Variants in FHIT observed in about 807,000 individuals in gnomAD.
The protein encoded by FHIT is bis(5'-adenosyl)-triphosphatase.
In FHIT, 19 loss-of-function variants were observed where a neutral mutation model predicts 17.9. That is an observed-to-expected ratio of 1.06 (90% CI 0.74 to 1.56). The LOEUF (loss-of-function observed/expected upper bound fraction) is 1.56. Among genes scored for constraint, FHIT ranks in the 40% most tolerant of loss-of-function variants. The pLI is 0.00. For missense variants in FHIT, 248 were observed against 189.2 expected (o/e 1.31, Z -1.82); for synonymous variants, 81 against 69.7 (o/e 1.16, Z -0.81).
intron 8 of FHIT, among the ~76,000 whole-genome samples, chr3:59,857,414 C>T (rs970153859): frequency 6.6e-6 from 1 of 152,108 alleles, no homozygotes; most frequent in African/African-American, 2.4e-5. Context: ...CAACTCTCTA[C>T]CACGTTCCTG....
At chr3:60,511,878 G>T (rs965292479) in intron 5 of FHIT, among the ~76,000 whole-genome samples, 1 of 151,958 alleles carries the variant, frequency 6.6e-6, no homozygotes, top group African/African-American at 2.4e-5. Flanking sequence ...CTGTCAAATT[G>T]GGCAAATTTA....
chr3:60,706,828 G>A (rs782151217), intron 4 of FHIT, among the ~76,000 whole-genome samples: 26 of 152,146 alleles, frequency 1.7e-4, no homozygotes, highest in Non-Finnish European at 3.2e-4. Flanking sequence ...ATCAAAAGAT[G>A]CTTTCAGATG....
chr3:60,807,457 C>T (rs561959546), intron 4 of FHIT, among the ~76,000 whole-genome samples: 1 of 151,948 alleles, frequency 6.6e-6, no homozygotes, highest in East Asian at 1.9e-4. Flanking sequence ...GGTATGGTGG[C>T]ATGTGCCTGT....
chr3:60,188,212 T>TC (rs1295266618), intron 5 of FHIT, among the ~76,000 whole-genome samples: 4 of 149,718 alleles, frequency 2.7e-5, no homozygotes, highest in Non-Finnish European at 5.9e-5. Context: ...TCTTTCTTTT[T>TC]TTTTTTTTTT....
intron 2 of FHIT, among the ~76,000 whole-genome samples, chr3:61,107,414 G>A (rs2036022443): frequency 6.6e-6 from 1 of 152,134 alleles, no homozygotes; most frequent in Non-Finnish European, 1.5e-5. Flanking sequence ...TAGCTATTAT[G>A]AATAATGCTA....
At chr3:60,851,750 A>G (rs1452462013) in intron 3 of FHIT, among the ~76,000 whole-genome samples, 2 of 152,170 alleles carry the variant, frequency 1.3e-5, no homozygotes, top group Non-Finnish European at 2.9e-5. Context: ...ACAGATTATT[A>G]TATTCAGGGA....
intron 4 of FHIT, among the ~76,000 whole-genome samples, chr3:60,626,774 G>A (rs868947223): frequency 7.1e-6 from 1 of 141,496 alleles, no homozygotes; most frequent in Non-Finnish European, 1.5e-5. Context: ...CTTATCTTAG[G>A]GGAAAACACT....
At chr3:60,592,214 C>A (rs1451125585) in intron 4 of FHIT, among the ~76,000 whole-genome samples, 1 of 144,380 alleles carries the variant, frequency 6.9e-6, no homozygotes, top group Non-Finnish European at 1.5e-5. Context: ...TATGTAACCT[C>A]TATATATATA....
At chr3:59,927,673 G>A (rs1241230610) in intron 7 of FHIT, among the ~76,000 whole-genome samples, 1 of 152,144 alleles carries the variant, frequency 6.6e-6, no homozygotes, top group African/African-American at 2.4e-5. Flanking sequence ...GGAGGCTGAT[G>A]TAGGAGAATC....
intron 5 of FHIT, among the ~76,000 whole-genome samples, chr3:60,308,490 GTA>G (rs1380485852): frequency 0.061 from 4,528 of 74,584 alleles, 65 homozygotes; most frequent in Admixed American, 0.14. Flanking sequence ...AGGTATAGGT[GTA>G]TGTGTATATA....
chr3:60,411,023 G>A (rs113159785), intron 5 of FHIT, among the ~76,000 whole-genome samples: 5 of 152,222 alleles, frequency 3.3e-5, no homozygotes, highest in African/African-American at 1.2e-4. Flanking sequence ...ATGTAAAGGA[G>A]ACAAATTTGA....
At chr3:60,529,265 G>A (rs914166221) in intron 5 of FHIT, among the ~76,000 whole-genome samples, 1 of 152,038 alleles carries the variant, frequency 6.6e-6, no homozygotes, top group Non-Finnish European at 1.5e-5. Flanking sequence ...CTAATTCTAA[G>A]AGTTGAACAC....
chr3:60,437,458 A>C (rs2107316983), intron 5 of FHIT, among the ~76,000 whole-genome samples: 1 of 152,184 alleles, frequency 6.6e-6, no homozygotes, highest in African/African-American at 2.4e-5. Flanking sequence ...CATTTAGCCA[A>C]AACTTGCTGA....
At chr3:60,010,734 T>G (rs1156967135) in intron 7 of FHIT, among the ~76,000 whole-genome samples, 1 of 152,178 alleles carries the variant, frequency 6.6e-6, no homozygotes, top group Non-Finnish European at 1.5e-5. Context: ...TTATTTTTAC[T>G]ACAGAAGCAG....
chr3:60,816,358 A>G (rs1701739644), intron 4 of FHIT, among the ~76,000 whole-genome samples: 1 of 152,064 alleles, frequency 6.6e-6, no homozygotes, highest in South Asian at 2.1e-4. Context: ...CCCATTCAGT[A>G]TGATATTGGC....
At chr3:59,956,619 G>A (rs1411607508) in intron 7 of FHIT, among the ~76,000 whole-genome samples, 3 of 152,128 alleles carry the variant, frequency 2.0e-5, no homozygotes, top group Non-Finnish European at 4.4e-5. Context: ...CGTGAGCCAA[G>A]ATCGCGCCAC....
At chr3:60,172,690 T>A (rs1234631440) in intron 5 of FHIT, among the ~76,000 whole-genome samples, 1 of 151,962 alleles carries the variant, frequency 6.6e-6, no homozygotes. Context: ...AAAAACTTAG[T>A]ATATGTGAGG....
At chr3:59,842,722 C>A (rs555536262) in intron 8 of FHIT, among the ~76,000 whole-genome samples, 148 of 152,216 alleles carry the variant, frequency 9.7e-4, no homozygotes, top group African/African-American at 3.5e-3. Flanking sequence ...GGAGAAGTGT[C>A]TATTCTAGTC....
intron 2 of FHIT, among the ~76,000 whole-genome samples, chr3:61,139,829 G>A (rs138538356): frequency 1.3e-5 from 2 of 152,092 alleles, no homozygotes; most frequent in East Asian, 3.9e-4. Context: ...TGAATAGCAA[G>A]AGCGGTCTAA....
Sources: allele counts gnomAD v4.1 joint callset (sites outside exome capture counted in the v4.1 genomes callset), GRCh38; gene constraint gnomAD v4.1.1; transcripts MANE v1.5; gene names NCBI Gene and HGNC (gene_info 2026-07-23, HGNC 2026-07-21).